The following RRM2 variants were observed in gnomAD, a reference collection of about 807,000 sequenced individuals.
The protein encoded by RRM2 is ribonucleotide reductase regulatory subunit M2.
In RRM2, 6 loss-of-function variants were observed where a neutral mutation model predicts 45.9. That is an observed-to-expected ratio of 0.13 (90% CI 0.07 to 0.26). The LOEUF (loss-of-function observed/expected upper bound fraction) is 0.26, where lower values mean the gene tolerates loss of function less well. Among genes scored for constraint, RRM2 ranks in the 10% least tolerant of loss-of-function variants. The probability of loss-of-function intolerance (pLI) is 1.00; values close to 1 mark genes in which losing one functional copy is unlikely to be tolerated. For synonymous variants in RRM2, 177 were observed against 173.0 expected (o/e 1.02, Z -0.18); for missense variants, 343 against 489.5 (o/e 0.70, Z 2.82).
At chr2:10,175,966 G>A (rs889946678) in intron 3 of RRM2, among the ~76,000 whole-genome samples, 3 of 152,100 alleles carry the variant, frequency 2.0e-5, no homozygotes, top group African/African-American at 7.2e-5. Context: ...TACAGTACTT[G>A]CCTTTTTGTG....
chr2:10,151,505 G>A (rs1663311689), intron 3 of RRM2, among the ~76,000 whole-genome samples: 1 of 152,106 alleles, frequency 6.6e-6, no homozygotes, highest in Middle Eastern at 3.4e-3. Flanking sequence ...TCACTATGTT[G>A]GCCAGGCTGG....
In RRM2 at chr2:10,190,607, GATGGTGGTAATGATGGTGGCA is replaced by G. The variant is rs1236635911; in HGVS notation, n.483-19695_483-19675del. On this transcript the variant is annotated intron_variant and non_coding_transcript_variant, in intron 3 of 3. Transcript: ENST00000381786. ...TGGTGATGGTGGTGATGTTGGCGAT[GATGGTGGTAATGATGGTGGCA>G]ATGGTGGTGGTGATGGTGGGGTTGG... Among the ~76,000 whole-genome samples, 3 of 151,636 alleles carry G rather than the reference GATGGTGGTAATGATGGTGGCA, an allele frequency of 2.0e-5. No individual in the cohort carries two copies. The East Asian group carries it at 5.9e-4, about 30-fold the overall frequency.
At chr2:10,123,209 C>T in intron 2 of RRM2, 152 bp downstream of exon 2, 1 of 1,279,042 alleles carries the variant, frequency 7.8e-7, no homozygotes, top group Non-Finnish European at 1.0e-6. Context: ...CGCCCCTCGG[C>T]CCATTTCCCG....
At chr2:10,155,530 A>G in intron 3 of RRM2, 1 of 152,560 alleles carries the variant, frequency 6.6e-6, no homozygotes, top group Non-Finnish European at 1.5e-5. Flanking sequence ...GTTACTATGA[A>G]ATGAGGGGTG....
At chr2:10,142,409 A>G (rs1193064819) in intron 3 of RRM2, 3 of 1,368,064 alleles carry the variant, frequency 2.2e-6, no homozygotes, top group African/African-American at 2.9e-5. Flanking sequence ...CGGTGGGGGA[A>G]GAGGGGCCAC....
At chr2:10,210,707 G>A in exon 4 of RRM2, 1 of 1,003,942 alleles carries the variant, frequency 1.0e-6, no homozygotes, top group South Asian at 1.4e-5. Flanking sequence ...GGGGTGATGT[G>A]AGCCCACAGG....
chr2:10,141,882 G>C, exon 2 of RRM2: 1 of 1,569,494 alleles, frequency 6.4e-7, no homozygotes, highest in Non-Finnish European at 8.6e-7. Flanking sequence ...GTGCAAAGCA[G>C]ATGGAGTCCA....
At chr2:10,200,399 T>C (rs72788359) in intron 3 of RRM2, among the ~76,000 whole-genome samples, 3,265 of 138,854 alleles carry the variant, frequency 0.024, 54 homozygotes, top group South Asian at 0.062. Context: ...GCACAGGGAC[T>C]GCGCGCACAA....
intron 3 of RRM2, among the ~76,000 whole-genome samples, chr2:10,190,497 GTGA>G (rs955589725): frequency 6.6e-6 from 1 of 150,812 alleles, no homozygotes. Flanking sequence ...GGGGTTGGTG[GTGA>G]TAAGTGTGAT....
downstream of RRM2, among the ~76,000 whole-genome samples, chr2:10,134,190 A>C (rs1303971046): frequency 7.4e-6 from 1 of 135,814 alleles, no homozygotes; most frequent in African/African-American, 2.7e-5. Flanking sequence ...AAAAAAAAAA[A>C]AAGTTAAATA....
At chr2:10,132,867 C>T (rs988753365), downstream of RRM2, among the ~76,000 whole-genome samples, 10 of 152,232 alleles carry the variant, frequency 6.6e-5, no homozygotes, top group South Asian at 6.2e-4. Flanking sequence ...CTGCTCCCCC[C>T]GGCCCCATGC....
intron 3 of RRM2, among the ~76,000 whole-genome samples, chr2:10,160,276 C>A (rs1243567608): frequency 2.6e-5 from 4 of 152,196 alleles, no homozygotes; most frequent in Non-Finnish European, 4.4e-5. Flanking sequence ...AATCCAAATG[C>A]CTTCTGAGCT....
At chr2:10,188,512 G>A (rs1664217927) in intron 3 of RRM2, among the ~76,000 whole-genome samples, 1 of 152,158 alleles carries the variant, frequency 6.6e-6, no homozygotes, top group Admixed American at 6.5e-5. Context: ...CCACCCTTAG[G>A]ACCTCATTTC....
At chr2:10,143,482 G>A (rs1366471293) in intron 3 of RRM2, among the ~76,000 whole-genome samples, 3 of 152,228 alleles carry the variant, frequency 2.0e-5, no homozygotes, top group East Asian at 3.9e-4. Context: ...GTCCTCCGGT[G>A]TGCTCAGCCA....
intron 3 of RRM2, among the ~76,000 whole-genome samples, chr2:10,191,966 C>T (rs1473755250): frequency 1.3e-5 from 2 of 152,176 alleles, no homozygotes; most frequent in Non-Finnish European, 2.9e-5. Flanking sequence ...CTGCACACGA[C>T]TCCTGGCTGT....
intron 3 of RRM2, among the ~76,000 whole-genome samples, chr2:10,209,573 G>C (rs528714690): frequency 6.6e-6 from 1 of 150,708 alleles, no homozygotes; most frequent in African/African-American, 2.4e-5. Flanking sequence ...TGACGTGCTT[G>C]CATGTGTGTG....
chr2:10,130,339 G>A lies in RRM2; in HGVS notation c.*953G>A, dbSNP rs1289036676. 1 of 152,206 alleles carries A rather than the reference G, an allele frequency of 6.6e-6. No homozygotes were observed. Among genetic ancestry groups the A allele is most frequent in the Admixed American group, 6.5e-5 (1 of 15,280 alleles). 9.4% of individuals were successfully genotyped at this position (152,206 alleles called of 1,614,324 possible). A position where few individuals can be genotyped will look rare whatever the true frequency, so the allele number is the denominator to read the frequency against. On this transcript the variant is annotated 3_prime_UTR_variant, in exon 10 of 10. Coordinates refer to ENST00000304567, the MANE Select transcript of RRM2 (RefSeq NM_001034.4). ...CCACCTAAGATCTTGCCCCTGTTAA[G>A]TGGTGAAATCAACTAGAGGTGGTTC...
chr2:10,141,722 G>A (rs1363552414), intron 1 of RRM2: 2 of 1,306,194 alleles, frequency 1.5e-6, no homozygotes, highest in East Asian at 5.1e-5. Context: ...AAGAGCAGGT[G>A]AGGGTGGGGT....
At chr2:10,134,543 C>A (rs928149494), downstream of RRM2, among the ~76,000 whole-genome samples, 25 of 152,294 alleles carry the variant, frequency 1.6e-4, no homozygotes, top group African/African-American at 5.5e-4. Flanking sequence ...ATAAATTAAT[C>A]CCCAGTATTG....
Sources: allele counts gnomAD v4.1 joint callset (sites outside exome capture counted in the v4.1 genomes callset), GRCh38; gene constraint gnomAD v4.1.1; transcripts MANE v1.5; gene names NCBI Gene and HGNC (gene_info 2026-07-23, HGNC 2026-07-21).